Variants in TPRG1 observed in about 807,000 individuals in gnomAD.
TPRG1 encodes tumor protein p63 regulated 1.
In TPRG1, 29 loss-of-function variants were observed where a neutral mutation model predicts 29.3. The observed-to-expected ratio is 0.99, with a 90% CI of 0.74 to 1.35. The LOEUF (loss-of-function observed/expected upper bound fraction) is 1.35. Among genes scored for constraint, TPRG1 ranks in the 40% most tolerant of loss-of-function variants. TPRG1 has a pLI of 0.00. For synonymous variants in TPRG1, 130 were observed against 116.8 expected (o/e 1.11, Z -0.73); for missense variants, 327 against 335.0 (o/e 0.98, Z 0.19).
In TPRG1 at chr3:189,323,563, T is replaced by C. The variant is rs1724491028; in HGVS notation, c.*2743T>C. ...AACTACATTTCCTCCAGAAATTGTT[T>C]CTTCATTACCATCGACCTACTGATT... On this transcript the variant is annotated 3_prime_UTR_variant, in exon 6 of 6. Transcript: ENST00000345063. 1 of 152,132 alleles carries C rather than the reference T, an allele frequency of 6.6e-6. No individual in the cohort carries two copies. Among genetic ancestry groups the C allele is most frequent in the African/African-American group, 2.4e-5 (1 of 41,438 alleles). 9.4% of individuals were successfully genotyped at this position (152,132 alleles called of 1,614,324 possible).
chr3:189,319,536 C>T (rs1724054692), intron 5 of TPRG1, among the ~76,000 whole-genome samples: 2 of 151,988 alleles, frequency 1.3e-5, no homozygotes, highest in Admixed American at 6.6e-5. Context: ...CCCTGCCCCC[C>T]AAATCCCTAA....
At chr3:189,310,323 A>G in intron 4 of TPRG1, 63 bp from the exon 5 acceptor site, 4 of 1,360,140 alleles carry the variant, frequency 2.9e-6, no homozygotes, top group Non-Finnish European at 4.0e-6. Flanking sequence ...GATGTATTAC[A>G]TTCTATTTTT....
chr3:189,186,178 T>C (rs1473265375), intron 1 of TPRG1, among the ~76,000 whole-genome samples: 1 of 152,242 alleles, frequency 6.6e-6, no homozygotes, highest in African/African-American at 2.4e-5. Flanking sequence ...AAGTTTTCAC[T>C]ATGTAAAAAA....
At chr3:189,184,301 C>T (rs1325995419) in intron 1 of TPRG1, among the ~76,000 whole-genome samples, 2 of 152,188 alleles carry the variant, frequency 1.3e-5, no homozygotes, top group Non-Finnish European at 2.9e-5. Flanking sequence ...GCAGATAAAA[C>T]CATGTGCATA....
chr3:189,155,229 A>C (rs1456697027), intron 5 of TPRG1, among the ~76,000 whole-genome samples: 1 of 152,238 alleles, frequency 6.6e-6, no homozygotes, highest in Non-Finnish European at 1.5e-5. Flanking sequence ...TTGGAATTAC[A>C]TTTCTAAGGG....
chr3:189,251,481 G>T (rs1342674351), intron 4 of TPRG1, among the ~76,000 whole-genome samples: 3 of 152,028 alleles, frequency 2.0e-5, no homozygotes, highest in Non-Finnish European at 1.5e-5. Context: ...AAATAAGGGG[G>T]CCCAGGGGAC....
chr3:189,210,698 A>C (rs999755318), intron 2 of TPRG1, among the ~76,000 whole-genome samples: 6 of 152,138 alleles, frequency 3.9e-5, no homozygotes, highest in African/African-American at 1.4e-4. Flanking sequence ...ACTTGTTCTC[A>C]AAGGAAAATA....
intron 4 of TPRG1, among the ~76,000 whole-genome samples, chr3:189,074,132 T>C (rs1232444860): frequency 6.6e-6 from 1 of 151,736 alleles, no homozygotes; most frequent in South Asian, 2.1e-4. Flanking sequence ...ATAGATTTGG[T>C]GTAGATTTTT....
chr3:189,147,766 T>A (rs1193990014), intron 4 of TPRG1: 1 of 152,208 alleles, frequency 6.6e-6, no homozygotes, highest in African/African-American at 2.4e-5. Flanking sequence ...GATAGTGATT[T>A]TAAAAGCAAG....
At chr3:189,151,424 G>A (rs1725918043) in intron 5 of TPRG1, among the ~76,000 whole-genome samples, 1 of 152,118 alleles carries the variant, frequency 6.6e-6, no homozygotes, top group Admixed American at 6.5e-5. Flanking sequence ...CCTAAATATA[G>A]CTAAAACCAT....
At chr3:189,218,684 C>T (rs530441899) in intron 3 of TPRG1, among the ~76,000 whole-genome samples, 23 of 152,186 alleles carry the variant, frequency 1.5e-4, no homozygotes, top group African/African-American at 4.8e-4. Context: ...GTTTTATAAA[C>T]GAGAAATGTG....
Position 189,304,439 on chromosome 3 carries a change from C to G in TPRG1, c.480-5947C>G, listed in dbSNP as rs116134940. 8.9e-3 allele frequency among the ~76,000 whole-genome samples: 1,362 copies of G among 152,222 alleles called. 17 individuals carry two copies. Among genetic ancestry groups the G allele is most frequent in the African/African-American group, 0.031 (1,292 of 41,524 alleles). On this transcript the variant is annotated intron_variant, in intron 4 of 5. Transcript: ENST00000345063. ...TACCTCTGCCTCAAGTAATATAACC[C>G]ATACAATTTCTTGGTTACCCTTGCC... is the stretch of plus-strand genomic sequence containing the variant.
intron 4 of TPRG1, among the ~76,000 whole-genome samples, chr3:189,296,285 C>T (rs541257485): frequency 2.0e-5 from 3 of 152,214 alleles, no homozygotes; most frequent in Admixed American, 1.3e-4. Flanking sequence ...TTTGAAAAAC[C>T]AACTCTTCAC....
At chr3:189,250,345 A>G (rs1163140971) in intron 4 of TPRG1, among the ~76,000 whole-genome samples, 1 of 152,184 alleles carries the variant, frequency 6.6e-6, no homozygotes, top group Non-Finnish European at 1.5e-5. Flanking sequence ...TTCTAGTCCC[A>G]CTTTTACAAC....
intron 4 of TPRG1, among the ~76,000 whole-genome samples, chr3:189,293,275 ACT>A (rs1719318650): frequency 6.6e-6 from 1 of 151,968 alleles, no homozygotes; most frequent in Non-Finnish European, 1.5e-5. Flanking sequence ...CTGTGTTTGG[ACT>A]GGAGGCTCTC....
chr3:189,316,363 A>G (rs1157464030), intron 5 of TPRG1, among the ~76,000 whole-genome samples: 1 of 152,174 alleles, frequency 6.6e-6, no homozygotes, highest in Non-Finnish European at 1.5e-5. Flanking sequence ...AGTACTGGGT[A>G]TTGGATGGGC....
intron 1 of TPRG1, among the ~76,000 whole-genome samples, chr3:189,115,623 G>C (rs1578404740): frequency 6.6e-6 from 1 of 152,062 alleles, no homozygotes; most frequent in African/African-American, 2.4e-5. Context: ...TGTAGGCCTG[G>C]GCTTTAAACT....
At chr3:189,306,253 T>C (rs1721610916) in intron 4 of TPRG1, among the ~76,000 whole-genome samples, 1 of 152,136 alleles carries the variant, frequency 6.6e-6, no homozygotes. Flanking sequence ...CATCAGAAAA[T>C]ATAATTAAGA....
chr3:189,219,195 A>C (rs554405165), intron 3 of TPRG1, among the ~76,000 whole-genome samples: 2 of 152,336 alleles, frequency 1.3e-5, no homozygotes, highest in South Asian at 4.1e-4. Flanking sequence ...TACTCAAATT[A>C]ATTCAGGTAA....
Sources: allele counts gnomAD v4.1 joint callset (sites outside exome capture counted in the v4.1 genomes callset), GRCh38; gene constraint gnomAD v4.1.1; transcripts MANE v1.5; gene names NCBI Gene and HGNC (gene_info 2026-07-23, HGNC 2026-07-21).